TAFA2: variants seen among roughly 807,000 people sequenced by gnomAD.
TAFA2 encodes the protein chemokine-like protein TAFA-2.
A neutral mutation model predicts 18.8 loss-of-function variants in TAFA2; 7 were observed. The observed-to-expected ratio is 0.37, with a 90% CI of 0.21 to 0.70. The LOEUF (loss-of-function observed/expected upper bound fraction) is 0.70. Among genes scored for constraint, TAFA2 ranks in the 30% least tolerant of loss-of-function variants. The pLI, the probability that TAFA2 is intolerant of heterozygous loss-of-function variation, is 0.53. For missense variants in TAFA2, 122 were observed against 158.1 expected (o/e 0.77, Z 1.23); for synonymous variants, 60 against 54.2 (o/e 1.11, Z -0.47).
chr12:62,016,764 A>T (rs1880950476), intron 1 of TAFA2, among the ~76,000 whole-genome samples: 1 of 150,006 alleles, frequency 6.7e-6, no homozygotes, highest in Non-Finnish European at 1.5e-5. Flanking sequence ...TGTCAACAAC[A>T]TTTATTATTG....
chr12:62,042,404 TGTGTGTGTGTGTGTGTGTGTGTGTGCGC>T (rs1162230385), intron 1 of TAFA2, among the ~76,000 whole-genome samples: 14 of 85,302 alleles, frequency 1.6e-4, no homozygotes, highest in Admixed American at 1.1e-3. Context: ...TTGAAGTCTG[TGTGTGTGTGTGTGTGTGTGTGTGTGCGC>T]GTGTGTGTGT....
intron 1 of TAFA2, among the ~76,000 whole-genome samples, chr12:61,916,093 A>G (rs1355267142): frequency 6.6e-6 from 1 of 152,210 alleles, no homozygotes; most frequent in African/African-American, 2.4e-5. Context: ...TTTCGTCATA[A>G]GAAATGTCAT....
intron 1 of TAFA2, among the ~76,000 whole-genome samples, chr12:62,078,791 T>G (rs1045920694): frequency 6.6e-6 from 1 of 152,024 alleles, no homozygotes; most frequent in African/African-American, 2.4e-5. Context: ...CTTTTTGGCG[T>G]GATGTTAATT....
At chr12:61,920,796 T>C (rs1877018421) in intron 1 of TAFA2, among the ~76,000 whole-genome samples, 1 of 151,670 alleles carries the variant, frequency 6.6e-6, no homozygotes, top group Non-Finnish European at 1.5e-5. Context: ...AATTTTCTAA[T>C]AATATAATAA....
intron 1 of TAFA2, among the ~76,000 whole-genome samples, chr12:62,019,262 T>C (rs1383621090): frequency 6.6e-6 from 1 of 152,068 alleles, no homozygotes; most frequent in Admixed American, 6.5e-5. Flanking sequence ...TGGAAGTCAG[T>C]GTGGCGATTC....
At chr12:62,150,056 G>A (rs1296298053) in intron 1 of TAFA2, among the ~76,000 whole-genome samples, 2 of 152,214 alleles carry the variant, frequency 1.3e-5, no homozygotes. Flanking sequence ...TAAATTTAGT[G>A]TTTAAGCAGC....
intron 1 of TAFA2, among the ~76,000 whole-genome samples, chr12:62,075,007 G>T (rs1229723156): frequency 2.6e-5 from 4 of 151,928 alleles, no homozygotes; most frequent in African/African-American, 9.7e-5. Flanking sequence ...TGAAGATCTT[G>T]AATTTTAAAG....
chr12:62,141,289 C>T (rs1310843987), intron 1 of TAFA2, among the ~76,000 whole-genome samples: 2 of 152,236 alleles, frequency 1.3e-5, no homozygotes, highest in East Asian at 1.9e-4. Flanking sequence ...GTAGACTGAT[C>T]GTGTAATTGA....
chr12:62,233,066 CTTTTTTTTT>C (rs34781688), intron 1 of TAFA2, among the ~76,000 whole-genome samples: 12 of 39,532 alleles, frequency 3.0e-4, no homozygotes, highest in South Asian at 1.6e-3. Context: ...TTCTGCATCT[CTTTTTTTTT>C]TTTTTTTTTT....
At chr12:62,025,280 G>A (rs1403108961) in intron 1 of TAFA2, among the ~76,000 whole-genome samples, 2 of 152,004 alleles carry the variant, frequency 1.3e-5, no homozygotes, top group South Asian at 2.1e-4. Context: ...GGGAAACAAG[G>A]GCTGAAAAAC....
chr12:61,942,409 A>G (rs1592503220), intron 1 of TAFA2, among the ~76,000 whole-genome samples: 2 of 151,690 alleles, frequency 1.3e-5, no homozygotes, highest in South Asian at 4.2e-4. Context: ...TCCTCCTCCA[A>G]AGGAACGCAG....
chr12:62,072,669 C>T (rs1882662906), intron 1 of TAFA2, among the ~76,000 whole-genome samples: 1 of 151,996 alleles, frequency 6.6e-6, no homozygotes, highest in Admixed American at 6.6e-5. Flanking sequence ...GTAGTCCCAG[C>T]CAGCTACTTG....
chr12:61,758,340 T>G (rs891912968), intron 2 of TAFA2, among the ~76,000 whole-genome samples: 2 of 151,752 alleles, frequency 1.3e-5, no homozygotes, highest in African/African-American at 4.8e-5. Context: ...TTTGCTGGAG[T>G]GATCTAGTAG....
chr12:62,132,072 CA>C (rs34482662), intron 1 of TAFA2, among the ~76,000 whole-genome samples: 38,724 of 130,892 alleles, frequency 0.3, 4,830 homozygotes, highest in East Asian at 0.36. Context: ...TGAATCAAGT[CA>C]AAAAAAAAAA....
intron 1 of TAFA2, among the ~76,000 whole-genome samples, chr12:62,038,199 A>G (rs1254237644): frequency 1.3e-5 from 2 of 152,202 alleles, no homozygotes; most frequent in African/African-American, 4.8e-5. Context: ...ATTATAGTTA[A>G]TAATATTGTA....
At chr12:62,108,891 A>G (rs1474277215) in intron 1 of TAFA2, among the ~76,000 whole-genome samples, 6 of 152,144 alleles carry the variant, frequency 3.9e-5, no homozygotes, top group South Asian at 4.1e-4. Flanking sequence ...CCTTTGTCAG[A>G]TGGAAAGATT....
intron 2 of TAFA2, among the ~76,000 whole-genome samples, chr12:61,853,216 A>C (rs1280403433): frequency 6.6e-6 from 1 of 152,174 alleles, no homozygotes; most frequent in African/African-American, 2.4e-5. Context: ...CATAATTAAA[A>C]ATACAAGAGG....
chr12:61,882,202 T>C (rs1875177052), intron 1 of TAFA2, among the ~76,000 whole-genome samples: 1 of 152,166 alleles, frequency 6.6e-6, no homozygotes, highest in Non-Finnish European at 1.5e-5. Context: ...CAGGATCTGA[T>C]GTTTCTACTC....
At chr12:61,942,153 C>T (rs1486505400) in intron 1 of TAFA2, among the ~76,000 whole-genome samples, 1 of 148,764 alleles carries the variant, frequency 6.7e-6, no homozygotes, top group Non-Finnish European at 1.5e-5. Context: ...CCCCTGACCC[C>T]CGAGCAGCCT....
Sources: allele counts gnomAD v4.1 joint callset (sites outside exome capture counted in the v4.1 genomes callset), GRCh38; gene constraint gnomAD v4.1.1; transcripts MANE v1.5; gene names NCBI Gene and HGNC (gene_info 2026-07-23, HGNC 2026-07-21).